SUZ12: variants seen among roughly 807,000 people sequenced by gnomAD.
SUZ12 encodes the protein polycomb protein SUZ12.
A neutral mutation model predicts 87.3 loss-of-function variants in SUZ12; 17 were observed. That is an observed-to-expected ratio of 0.19 (90% confidence interval 0.13 to 0.29). The LOEUF is 0.29. SUZ12 is among the 10% of genes least tolerant of loss of function. The pLI is 1.00. For missense variants in SUZ12, 526 were observed against 912.2 expected, an observed-to-expected ratio of 0.58 and a Z score of 5.45; for synonymous variants, 253 against 312.4, an observed-to-expected ratio of 0.81 and a Z score of 2.01.
chr17:31,999,432 A>G lies in SUZ12; in HGVS notation c.*429A>G, dbSNP rs1308871532. On this transcript the variant is annotated 3_prime_UTR_variant, in exon 16 of 16. Coordinates refer to ENST00000322652, the MANE Select transcript of SUZ12 (RefSeq NM_015355.4). ...TTTTTTAGAAATTGAAGTGGTCTTC[A>G]TATGTCAACTACAGAAAAGGAAAAA... 1 of 232,034 alleles carries G rather than the reference A, an allele frequency of 4.3e-6. No homozygotes were observed. Among genetic ancestry groups the G allele is most frequent in the Non-Finnish European group, 8.5e-6 (1 of 117,496 alleles). 14.4% of individuals were successfully genotyped at this position (232,034 alleles called of 1,614,324 possible).
intron 4 of SUZ12, among the ~76,000 whole-genome samples, chr17:31,958,215 T>A (rs1286054675): frequency 1.3e-5 from 2 of 152,100 alleles, no homozygotes; most frequent in Non-Finnish European, 2.9e-5. Flanking sequence ...TTTGTACTTT[T>A]TGTAGAGATG....
intron 4 of SUZ12, among the ~76,000 whole-genome samples, chr17:31,952,023 C>T (rs1907015151): frequency 6.6e-6 from 1 of 151,220 alleles, no homozygotes; most frequent in South Asian, 2.1e-4. Context: ...GATCCTTCCA[C>T]CTTGGCCTCT....
intron 6 of SUZ12, among the ~76,000 whole-genome samples, 166 bp downstream of exon 6, chr17:31,973,397 A>G (rs901762859): frequency 3.3e-5 from 5 of 152,164 alleles, no homozygotes; most frequent in African/African-American, 7.2e-5. Flanking sequence ...GCCAACTCGC[A>G]TATCTGTGTA....
At chr17:31,974,121 G>A (rs1167659840) in intron 6 of SUZ12, among the ~76,000 whole-genome samples, 1 of 152,044 alleles carries the variant, frequency 6.6e-6, no homozygotes, top group Non-Finnish European at 1.5e-5. Flanking sequence ...TACTCGGGAG[G>A]ATTGCTTGAG....
chr17:31,993,750 C>A, intron 11 of SUZ12, 115 bp from the exon 12 acceptor site: 1 of 1,095,172 alleles, frequency 9.1e-7, no homozygotes, highest in Non-Finnish European at 1.3e-6. Flanking sequence ...AAGAGAATAT[C>A]TCTAATTTGA....
intron 4 of SUZ12, among the ~76,000 whole-genome samples, chr17:31,962,169 C>T (rs2142154062): frequency 6.6e-6 from 1 of 152,300 alleles, no homozygotes; most frequent in Admixed American, 6.5e-5. Context: ...GGCACAGTGG[C>T]TCATGCCTAT....
intron 4 of SUZ12, among the ~76,000 whole-genome samples, chr17:31,950,181 G>T (rs1300121137): frequency 5.6e-5 from 2 of 35,676 alleles, no homozygotes; most frequent in Non-Finnish European, 1.0e-4. Flanking sequence ...GACCTCAGGT[G>T]ATCTGCCCAC....
At chr17:31,943,128 A>G (rs1394387893) in intron 3 of SUZ12, among the ~76,000 whole-genome samples, 11 of 152,236 alleles carry the variant, frequency 7.2e-5, no homozygotes, top group Admixed American at 1.3e-4. Context: ...ATTGCAGTTA[A>G]TAGGTGAAAA....
At chr17:31,937,601 C>G in intron 1 of SUZ12, 81 bp downstream of exon 1, 1 of 1,508,192 alleles carries the variant, frequency 6.6e-7, no homozygotes, top group Non-Finnish European at 8.8e-7. Context: ...GGCCCCCTTC[C>G]TCCTCGGGAG....
chr17:31,946,705 T>C (rs751779795), intron 3 of SUZ12, among the ~76,000 whole-genome samples: 6 of 152,104 alleles, frequency 3.9e-5, no homozygotes, highest in African/African-American at 1.5e-4. Context: ...AAGAGAAACA[T>C]TTTTTCTAAT....
chr17:31,945,553 C>T (rs1219076681), intron 3 of SUZ12, among the ~76,000 whole-genome samples: 2 of 152,144 alleles, frequency 1.3e-5, no homozygotes, highest in African/African-American at 4.8e-5. Context: ...AAATATGCTC[C>T]TTTTCGATGA....
intron 4 of SUZ12, among the ~76,000 whole-genome samples, chr17:31,961,581 A>G (rs1180845383): frequency 2.0e-5 from 3 of 152,210 alleles, no homozygotes; most frequent in Non-Finnish European, 4.4e-5. Context: ...TATACAGGCT[A>G]TCCTATGTAA....
chr17:31,939,175 A>G (rs1487345451), intron 1 of SUZ12, among the ~76,000 whole-genome samples: 1 of 152,204 alleles, frequency 6.6e-6, no homozygotes, highest in Non-Finnish European at 1.5e-5. Flanking sequence ...GTATTGAGGT[A>G]ATATTTATAT....
intron 9 of SUZ12, among the ~76,000 whole-genome samples, 194 bp downstream of exon 9, chr17:31,983,298 G>A (rs1032789846): frequency 7.7e-6 from 1 of 129,834 alleles, no homozygotes; most frequent in African/African-American, 3.6e-5. Context: ...TTTTTTGAGG[G>A]GGAGTCTTGC....
intron 4 of SUZ12, among the ~76,000 whole-genome samples, chr17:31,949,501 A>G (rs1906818374): frequency 6.6e-6 from 1 of 151,936 alleles, no homozygotes; most frequent in Admixed American, 6.6e-5. Flanking sequence ...CTAAGACCCT[A>G]CATTATTAAC....
chr17:31,942,002 G>A (rs1388131165), intron 3 of SUZ12, among the ~76,000 whole-genome samples: 2 of 151,810 alleles, frequency 1.3e-5, no homozygotes, highest in East Asian at 3.9e-4. Flanking sequence ...ACAGGCTCCC[G>A]CCACCACACC....
At chr17:31,948,902 A>G (rs2957899) in intron 4 of SUZ12, among the ~76,000 whole-genome samples, 1 of 152,166 alleles carries the variant, frequency 6.6e-6, no homozygotes, top group Non-Finnish European at 1.5e-5. Flanking sequence ...ACTAGAATTT[A>G]TATTCCAGAT....
intron 9 of SUZ12, among the ~76,000 whole-genome samples, chr17:31,986,324 A>AT (rs1324154083): frequency 6.6e-6 from 1 of 152,016 alleles, no homozygotes; most frequent in Non-Finnish European, 1.5e-5. Context: ...AAGTTCTGAG[A>AT]TTTTTTGTTT....
intron 3 of SUZ12, among the ~76,000 whole-genome samples, chr17:31,942,255 T>G (rs1348023499): frequency 6.6e-6 from 1 of 152,234 alleles, no homozygotes; most frequent in African/African-American, 2.4e-5. Flanking sequence ...TAATTTTTGA[T>G]TATTATGTGT....
Sources: gnomAD v4.1 joint callset for allele counts (sites outside exome capture counted in the v4.1 genomes callset) on GRCh38, gnomAD v4.1.1 for gene constraint, MANE v1.5 for transcripts, NCBI Gene and HGNC (gene_info 2026-07-23, HGNC 2026-07-21) for gene names.